Variants in CSNK2A1 observed in about 807,000 individuals in gnomAD.
CSNK2A1 encodes the protein casein kinase 2 alpha 1, also known as casein kinase II subunit alpha.
CSNK2A1 carries 10 observed loss-of-function variants against 62.9 expected under a neutral mutation model. The ratio of observed to expected loss-of-function variants is 0.16; its 90% CI spans 0.10 to 0.27. The LOEUF (loss-of-function observed/expected upper bound fraction) is 0.27, where lower values mean the gene tolerates loss of function less well. Ranked by LOEUF, CSNK2A1 falls within the 10% of genes least tolerant of loss-of-function variation. The pLI is 1.00. For missense variants in CSNK2A1, 160 were observed against 492.0 expected (o/e 0.33, Z 6.38); for synonymous variants, 124 against 167.8 (o/e 0.74, Z 2.02).
chr20:505,563 C>T (rs1254108805), intron 3 of CSNK2A1, among the ~76,000 whole-genome samples: 8 of 151,504 alleles, frequency 5.3e-5, no homozygotes, highest in South Asian at 2.1e-4. Flanking sequence ...GGGTCCTCAC[C>T]GTGTTAACCA....
chr20:529,820 A>G (rs2122638272), intron 1 of CSNK2A1, among the ~76,000 whole-genome samples: 1 of 152,328 alleles, frequency 6.6e-6, no homozygotes, highest in East Asian at 1.9e-4. Context: ...TGTGGGTAGA[A>G]GACATCAACA....
intron 2 of CSNK2A1, among the ~76,000 whole-genome samples, chr20:524,519 C>T (rs2019028640): frequency 6.6e-6 from 1 of 150,860 alleles, no homozygotes; most frequent in South Asian, 2.1e-4. Flanking sequence ...TGAGACCAGC[C>T]TGGCCAACAC....
intron 9 of CSNK2A1, 76 bp downstream of exon 9, chr20:492,178 G>GATACTTT: frequency 7.9e-7 from 1 of 1,268,254 alleles, no homozygotes; most frequent in Admixed American, 2.0e-5. Flanking sequence ...TGCACAAAAT[G>GATACTTT]ATACTTTTTT....
At chr20:530,779 A>G (rs2019196633) in intron 1 of CSNK2A1, among the ~76,000 whole-genome samples, 1 of 152,070 alleles carries the variant, frequency 6.6e-6, no homozygotes, top group Non-Finnish European at 1.5e-5. Context: ...CAGCCTTCAC[A>G]CTGTTTTTAA....
In CSNK2A1 at chr20:500,000, T is replaced by C. The variant is rs570497733; in HGVS notation, c.214-66A>G. 3.2e-6 allele frequency: 4 copies of C among 1,252,048 alleles called. No homozygotes were observed. Among genetic ancestry groups the C allele is most frequent in the African/African-American group, 3.0e-5 (2 of 66,610 alleles). 77.6% of individuals were successfully genotyped at this position (1,252,048 alleles called of 1,614,324 possible). A position where few individuals can be genotyped will look rare whatever the true frequency, so the allele number is the denominator to read the frequency against. ...AATTTTTTCAGAGTATTTCAACACGTAGTGTAATACATAAATGATAAATGG... is the reference window on the plus strand; with the variant it reads ...AATTTTTTCAGAGTATTTCAACACGCAGTGTAATACATAAATGATAAATGG... On this transcript the variant is annotated intron_variant, in intron 4 of 13. Transcript: ENST00000217244. The surrounding 1 kb of genome is among the most constrained non-coding windows in gnomAD (Gnocchi z 4.2).
At chr20:542,858 T>G (rs890132948) in intron 1 of CSNK2A1, among the ~76,000 whole-genome samples, 1 of 152,166 alleles carries the variant, frequency 6.6e-6, no homozygotes, top group Non-Finnish European at 1.5e-5. Context: ...CACAAAGCAA[T>G]AGCCAAGATG....
At chr20:515,310 A>G (rs887381581) in intron 2 of CSNK2A1, among the ~76,000 whole-genome samples, 4 of 152,186 alleles carry the variant, frequency 2.6e-5, no homozygotes. Flanking sequence ...ATTCATGGAG[A>G]TAAGAGTGCA....
chr20:535,121 T>C (rs901642312), intron 1 of CSNK2A1, among the ~76,000 whole-genome samples: 6 of 147,494 alleles, frequency 4.1e-5, no homozygotes, highest in Non-Finnish European at 8.9e-5. Context: ...TTTGGGAGGC[T>C]GAGTTAAGAG....
chr20:541,294 T>C (rs1441062857), intron 1 of CSNK2A1, among the ~76,000 whole-genome samples: 1 of 152,198 alleles, frequency 6.6e-6, no homozygotes, highest in Admixed American at 6.5e-5. Context: ...AAGTTCCTTT[T>C]GCCATGTAAC....
At chr20:492,435 T>G in intron 8 of CSNK2A1, 71 bp from the exon 9 acceptor site, 12 of 1,451,452 alleles carry the variant, frequency 8.3e-6, no homozygotes, top group Non-Finnish European at 1.2e-5. Context: ...TAGCATACTC[T>G]TGATAAAATA....
Position 503,137 on chromosome 20 carries a change from T to C in CSNK2A1, c.213+1981A>G, listed in dbSNP as rs898916439. ...AACGTATGTATATATACACACAATT[T>C]TGTGTTTGATCCTTTTTGTTTTTTG... On this transcript the variant is annotated intron_variant, in intron 4 of 13. Transcript: ENST00000217244. The C allele has an allele frequency of 1.4e-5, 3 of 213,156 alleles. No individual in the cohort carries two copies. In the Admixed American group the frequency reaches 1.8e-4, roughly 12 times the overall value. The allele number at this position is 213,156 out of a possible 1,614,324, so 13.2% of individuals were successfully genotyped here. A position where few individuals can be genotyped will look rare whatever the true frequency, so the allele number is the denominator to read the frequency against.
intron 1 of CSNK2A1, chr20:543,342 T>C: frequency 7.8e-6 from 1 of 128,918 alleles, no homozygotes; most frequent in Non-Finnish European, 1.6e-5. Flanking sequence ...CAAGTTCCCT[T>C]CCCCCTCTGA....
At chr20:493,232 A>G (rs1313199919) in intron 8 of CSNK2A1, among the ~76,000 whole-genome samples, 1 of 152,146 alleles carries the variant, frequency 6.6e-6, no homozygotes, top group Non-Finnish European at 1.5e-5. Flanking sequence ...TAATCTGTCA[A>G]AAAATTCTGA....
chr20:496,524 G>T (rs973238564), intron 7 of CSNK2A1: 1 of 152,200 alleles, frequency 6.6e-6, no homozygotes, highest in Non-Finnish European at 1.5e-5. Context: ...AGCCGACGTT[G>T]TTGGCCAAAT....
chr20:502,228 C>A (rs1357565683), intron 4 of CSNK2A1: 2 of 152,170 alleles, frequency 1.3e-5, no homozygotes, highest in Non-Finnish European at 2.9e-5. Context: ...ACCTCTTACC[C>A]AATACAATAT....
At chr20:533,203 G>A (rs1345043714) in intron 1 of CSNK2A1, among the ~76,000 whole-genome samples, 2 of 152,140 alleles carry the variant, frequency 1.3e-5, no homozygotes, top group African/African-American at 2.4e-5. Flanking sequence ...AAGGTTCTAA[G>A]TATACAATGA....
At chr20:500,079 T>C (rs1225772928) in intron 4 of CSNK2A1, 145 bp from the exon 5 acceptor site, 6 of 642,852 alleles carry the variant, frequency 9.3e-6, no homozygotes, top group African/African-American at 3.7e-5. Context: ...CGTCTCTGAA[T>C]CCTTCTCCTA....
At chr20:505,522 G>A (rs575934329) in intron 3 of CSNK2A1, among the ~76,000 whole-genome samples, 3 of 151,818 alleles carry the variant, frequency 2.0e-5, no homozygotes, top group South Asian at 2.1e-4. Flanking sequence ...ACCATGCCCG[G>A]CTAATTTTTT....
chr20:505,063 AC>A, intron 4 of CSNK2A1, 54 bp downstream of exon 4: 7 of 1,464,758 alleles, frequency 4.8e-6, no homozygotes, highest in Non-Finnish European at 6.4e-6. Context: ...AGTCTTCAAA[AC>A]TACTTTTAAA....
Sources: allele counts gnomAD v4.1 joint callset (sites outside exome capture counted in the v4.1 genomes callset), GRCh38; gene constraint gnomAD v4.1.1; non-coding constraint Gnocchi (gnomAD v3.1); transcripts MANE v1.5; gene names NCBI Gene and HGNC (gene_info 2026-07-23, HGNC 2026-07-21).